The following ATP8A2 variants were observed in gnomAD, a reference collection of about 807,000 sequenced individuals.
ATP8A2 encodes ATPase phospholipid transporting 8A2.
Under a neutral mutation model 165.6 loss-of-function variants are expected in ATP8A2, and 100 were observed. That is an observed-to-expected ratio of 0.60 (90% CI 0.51 to 0.71). ATP8A2 has a LOEUF of 0.71. ATP8A2 is among the 30% of genes least tolerant of loss of function. The pLI is 0.00. For synonymous variants in ATP8A2, 543 were observed against 548.8 expected (o/e 0.99, Z 0.15); for missense variants, 1,227 against 1,479.5 (o/e 0.83, Z 2.80).
At chr13:25,957,240 G>A (rs902053664) in intron 33 of ATP8A2, among the ~76,000 whole-genome samples, 1 of 152,130 alleles carries the variant, frequency 6.6e-6, no homozygotes, top group Admixed American at 6.5e-5. Context: ...AACACCAAAA[G>A]CAATGGCAAC....
chr13:25,489,299 C>T (rs564404449), intron 2 of ATP8A2, among the ~76,000 whole-genome samples: 20 of 152,212 alleles, frequency 1.3e-4, no homozygotes, highest in East Asian at 3.9e-4. Flanking sequence ...CCTTTAATCA[C>T]GGCACTTTCC....
At chr13:25,955,676 C>T (rs1018852454) in intron 33 of ATP8A2, among the ~76,000 whole-genome samples, 1 of 152,168 alleles carries the variant, frequency 6.6e-6, no homozygotes, top group South Asian at 2.1e-4. Flanking sequence ...GACGGATTCA[C>T]AGCTGAATTC....
rs867419520 is a variant in ATP8A2, at chr13:25,461,852, A to G, written c.77-7125A>G. Among the ~76,000 whole-genome samples the G allele has an allele frequency of 4.2e-3, 626 of 147,804 alleles. 4 individuals carry two copies. Among genetic ancestry groups the G allele is most frequent in the African/African-American group, 0.012 (493 of 39,898 alleles). On this transcript the variant is annotated intron_variant, in intron 1 of 36. Transcript: ENST00000381655. ...GAGGAAGAAGAAGAAGGAGAAGAAGAAGGAGGAGGAGGAGGAGGAGGAGGA... is the reference window on the plus strand; with the variant it reads ...GAGGAAGAAGAAGAAGGAGAAGAAGGAGGAGGAGGAGGAGGAGGAGGAGGA...
At chr13:25,690,641 C>A (rs1437612717) in intron 24 of ATP8A2, among the ~76,000 whole-genome samples, 1 of 152,206 alleles carries the variant, frequency 6.6e-6, no homozygotes, top group East Asian at 1.9e-4. Flanking sequence ...TACGCACCCA[C>A]TGGAAGGCTA....
chr13:25,920,945 C>G (rs182786507), intron 33 of ATP8A2, among the ~76,000 whole-genome samples: 234 of 152,196 alleles, frequency 1.5e-3, no homozygotes, highest in Non-Finnish European at 2.2e-3. Flanking sequence ...TGGTGCTCGC[C>G]TATAGTTCTG....
chr13:25,943,296 T>G (rs548148380), intron 33 of ATP8A2, among the ~76,000 whole-genome samples: 1 of 152,294 alleles, frequency 6.6e-6, no homozygotes, highest in Admixed American at 6.5e-5. Flanking sequence ...TACTTCCCTT[T>G]TATAAAAATG....
At chr13:25,723,519 C>T (rs563249089) in intron 25 of ATP8A2, among the ~76,000 whole-genome samples, 1 of 152,268 alleles carries the variant, frequency 6.6e-6, no homozygotes, top group Non-Finnish European at 1.5e-5. Context: ...TCTTTTACCT[C>T]CTTTTACTTT....
intron 35 of ATP8A2, among the ~76,000 whole-genome samples, chr13:26,008,185 T>A (rs1020231687): frequency 6.6e-6 from 1 of 152,272 alleles, no homozygotes; most frequent in Non-Finnish European, 1.5e-5. Context: ...AGAGTCCTTC[T>A]GTACTAAGGA....
intron 34 of ATP8A2, among the ~76,000 whole-genome samples, chr13:25,968,329 TC>T (rs1292133979): frequency 1.3e-5 from 2 of 152,152 alleles, no homozygotes; most frequent in African/African-American, 4.8e-5. Flanking sequence ...GACTTCCGGT[TC>T]TTTGCGGGGT....
intron 33 of ATP8A2, among the ~76,000 whole-genome samples, chr13:25,914,586 ATCCACAT>A (rs1784649066): frequency 6.6e-6 from 1 of 152,134 alleles, no homozygotes; most frequent in Non-Finnish European, 1.5e-5. Flanking sequence ...ATGTCTTCAA[ATCCACAT>A]TCTCAATGCT....
At chr13:25,738,344 C>A (rs868655526) in intron 25 of ATP8A2, among the ~76,000 whole-genome samples, 10 of 121,754 alleles carry the variant, frequency 8.2e-5, no homozygotes, top group African/African-American at 2.6e-4. Context: ...CCCCCCTCCC[C>A]CCCCCCCACA....
In ATP8A2 at chr13:25,394,691, A is replaced by ATT. The variant is rs1566101211; in HGVS notation, c.76+22403_76+22404insTT. Among the ~76,000 whole-genome samples, 16 of 152,334 alleles carry ATT rather than the reference A, an allele frequency of 1.1e-4. No individual in the cohort carries two copies. The South Asian group carries it at 3.3e-3, about 32-fold the overall frequency. On this transcript the variant is annotated intron_variant, in intron 1 of 36. Transcript: ENST00000381655. ...TATTTTGAGCTGAAGGCAATTAAGAAACATCAGATGCAGAAAGGAAAAAAA... is the reference window on the plus strand; with the variant it reads ...TATTTTGAGCTGAAGGCAATTAAGAATTACATCAGATGCAGAAAGGAAAAAAA...
intron 25 of ATP8A2, among the ~76,000 whole-genome samples, chr13:25,727,940 G>A (rs1216135312): frequency 1.3e-5 from 2 of 152,054 alleles, no homozygotes; most frequent in African/African-American, 4.8e-5. Context: ...TCTGGTCCTG[G>A]CACTGTGGCT....
intron 33 of ATP8A2, chr13:25,944,370 G>A (rs1396636559): frequency 1.3e-5 from 2 of 152,236 alleles, no homozygotes; most frequent in African/African-American, 4.8e-5. Flanking sequence ...AGCCAGATGT[G>A]GTGGCATATG....
At chr13:25,633,762 G>T (rs2041304112) in intron 24 of ATP8A2, among the ~76,000 whole-genome samples, 1 of 152,122 alleles carries the variant, frequency 6.6e-6, no homozygotes, top group African/African-American at 2.4e-5. Context: ...GATCACTCGA[G>T]CCCAGGAGTT....
At position 25,992,677 on chromosome 13, in the gene ATP8A2, GTT is replaced by G. The variant is rs34947450; in HGVS notation, c.3378-19845_3378-19844del. On this transcript the variant is annotated intron_variant, in intron 35 of 36. Transcript: ENST00000381655. ...CTATTTTTTTCCTAAAAGTTGTATA[GTT>G]TTTTTTTTGTTTGTTTTTTTAATTA... 3.4e-5 allele frequency among the ~76,000 whole-genome samples: 5 copies of G among 147,160 alleles called. No individual in the cohort carries two copies. In the East Asian group the frequency reaches 5.9e-4, roughly 17 times the overall value.
Position 25,432,208 on chromosome 13 carries a change from A to C in ATP8A2, c.77-36769A>C, listed in dbSNP as rs115554525. On this transcript the variant is annotated intron_variant, in intron 1 of 36. Coordinates refer to ENST00000381655, the MANE Select transcript of ATP8A2 (RefSeq NM_016529.6). ...TGGGGCTTGATTTGTGCATGAAGAA[A>C]GCTACGGTAGCCAGTATGAGCCCAC... is the stretch of plus-strand genomic sequence containing the variant. Among the ~76,000 whole-genome samples the C allele has an allele frequency of 8.5e-3, 1,296 of 152,328 alleles. 20 individuals carry two copies. The highest frequency in any genetic ancestry group is 0.029 in the African/African-American group (1,200 of 41,570).
intron 32 of ATP8A2, among the ~76,000 whole-genome samples, chr13:25,861,819 A>G (rs1952362104): frequency 6.6e-6 from 1 of 152,260 alleles, no homozygotes; most frequent in Admixed American, 6.5e-5. Context: ...AGATGCTTAA[A>G]GGGGCATTGT....
intron 25 of ATP8A2, among the ~76,000 whole-genome samples, chr13:25,711,251 C>A: frequency 6.6e-6 from 1 of 152,172 alleles, no homozygotes; most frequent in Non-Finnish European, 1.5e-5. Flanking sequence ...GACACCAGCC[C>A]TCCTCGGCCT....
Sources: gnomAD v4.1 joint callset for allele counts (sites outside exome capture counted in the v4.1 genomes callset) on GRCh38, gnomAD v4.1.1 for gene constraint, MANE v1.5 for transcripts, NCBI Gene and HGNC (gene_info 2026-07-23, HGNC 2026-07-21) for gene names.